Variants in RUNX2 observed in about 807,000 individuals in gnomAD.
The protein encoded by RUNX2 is runt-related transcription factor 2.
A neutral mutation model predicts 51.7 loss-of-function variants in RUNX2; 10 were observed. The observed-to-expected ratio is 0.19, with a 90% CI of 0.12 to 0.33. RUNX2 has a LOEUF of 0.33. RUNX2 is among the 10% of genes least tolerant of loss of function. RUNX2 has a pLI of 1.00. For missense variants in RUNX2, 562 were observed against 691.3 expected, an observed-to-expected ratio of 0.81 and a Z score of 2.10; for synonymous variants, 276 against 273.6, an observed-to-expected ratio of 1.01 and a Z score of -0.09.
intron 2 of RUNX2, among the ~76,000 whole-genome samples, chr6:45,362,277 T>G (rs1794394486): frequency 6.6e-6 from 1 of 152,174 alleles, no homozygotes; most frequent in Non-Finnish European, 1.5e-5. Context: ...TACAATATTG[T>G]TACTTATTTA....
At chr6:45,383,517 C>G (rs530449045) in intron 2 of RUNX2, among the ~76,000 whole-genome samples, 1 of 152,062 alleles carries the variant, frequency 6.6e-6, no homozygotes, top group Non-Finnish European at 1.5e-5. Context: ...AATTTCTAAT[C>G]TTGCTCATGT....
intron 5 of RUNX2, among the ~76,000 whole-genome samples, chr6:45,477,833 C>G (rs1799998296): frequency 6.6e-6 from 1 of 152,198 alleles, no homozygotes; most frequent in Non-Finnish European, 1.5e-5. Flanking sequence ...CATGGCACAC[C>G]CTTGCTTAAA....
At chr6:45,417,821 T>C (rs1798096109) in intron 2 of RUNX2, among the ~76,000 whole-genome samples, 1 of 152,278 alleles carries the variant, frequency 6.6e-6, no homozygotes, top group East Asian at 1.9e-4. Flanking sequence ...CATTTTCATG[T>C]ACTATGAATA....
At chr6:45,424,222 C>T (rs1563080395) in intron 3 of RUNX2, among the ~76,000 whole-genome samples, 1 of 152,210 alleles carries the variant, frequency 6.6e-6, no homozygotes, top group African/African-American at 2.4e-5. Context: ...GATCTGGAGC[C>T]TCTCACAGTA....
intron 2 of RUNX2, among the ~76,000 whole-genome samples, chr6:45,413,817 G>C (rs182879765): frequency 6.6e-6 from 1 of 152,052 alleles, no homozygotes; most frequent in Non-Finnish European, 1.5e-5. Context: ...AAAGATGCTC[G>C]TAATGAAGCA....
chr6:45,430,486 T>C (rs1474074286), intron 3 of RUNX2, among the ~76,000 whole-genome samples: 1 of 152,188 alleles, frequency 6.6e-6, no homozygotes, highest in African/African-American at 2.4e-5. Flanking sequence ...TTTGATTGTT[T>C]TCCTGGCTGG....
chr6:45,494,795 T>C (rs1442677363), intron 6 of RUNX2, among the ~76,000 whole-genome samples: 6 of 152,224 alleles, frequency 3.9e-5, no homozygotes, highest in Non-Finnish European at 7.3e-5. Context: ...CTGGATTGAC[T>C]TCTTTGTTTA....
At chr6:45,329,099 T>A (rs1221930264) in intron 2 of RUNX2, among the ~76,000 whole-genome samples, 4 of 151,958 alleles carry the variant, frequency 2.6e-5, no homozygotes, top group Non-Finnish European at 5.9e-5. Context: ...TCATTAACCC[T>A]CACCAGAAGA....
chr6:45,344,678 G>A (rs577951623), intron 2 of RUNX2, among the ~76,000 whole-genome samples: 1 of 152,154 alleles, frequency 6.6e-6, no homozygotes, highest in Non-Finnish European at 1.5e-5. Flanking sequence ...TTTAGGTAAA[G>A]TGTATAAACT....
intron 2 of RUNX2, among the ~76,000 whole-genome samples, chr6:45,419,168 A>T (rs1048161040): frequency 2.0e-5 from 3 of 152,188 alleles, no homozygotes; most frequent in African/African-American, 7.2e-5. Flanking sequence ...TTGAAATATT[A>T]ATTGTTTCTT....
At chr6:45,486,245 T>C (rs971776398) in intron 5 of RUNX2, among the ~76,000 whole-genome samples, 5 of 152,138 alleles carry the variant, frequency 3.3e-5, no homozygotes, top group African/African-American at 1.2e-4. Context: ...CCACAGCCTC[T>C]CTTCAGTTAT....
chr6:45,385,847 C>T (rs1457046444), intron 2 of RUNX2, among the ~76,000 whole-genome samples: 4 of 152,108 alleles, frequency 2.6e-5, no homozygotes, highest in Non-Finnish European at 5.9e-5. Flanking sequence ...TTGTGTTGAG[C>T]GAAGATCGCA....
intron 4 of RUNX2, among the ~76,000 whole-genome samples, chr6:45,435,284 C>T (rs1004670284): frequency 6.6e-6 from 1 of 152,264 alleles, no homozygotes; most frequent in African/African-American, 2.4e-5. Context: ...TTTTAATATC[C>T]TAAGTAAGTT....
chr6:45,439,752 T>C (rs1020263986), intron 5 of RUNX2, among the ~76,000 whole-genome samples: 13 of 152,042 alleles, frequency 8.6e-5, no homozygotes, highest in African/African-American at 3.1e-4. Flanking sequence ...CAAAAGTTGA[T>C]GGCTGGGAGA....
At chr6:45,384,274 TTTTG>T (rs892615223) in intron 2 of RUNX2, among the ~76,000 whole-genome samples, 8 of 151,972 alleles carry the variant, frequency 5.3e-5, no homozygotes, top group African/African-American at 1.9e-4. Flanking sequence ...TTGGGGTTTT[TTTTG>T]TTTGTTTGTT....
At chr6:45,329,799 T>C (rs944340913) in intron 2 of RUNX2, among the ~76,000 whole-genome samples, 2 of 152,020 alleles carry the variant, frequency 1.3e-5, no homozygotes, top group African/African-American at 4.8e-5. Flanking sequence ...CATCAGCTGA[T>C]GTGTTATTAT....
At chr6:45,356,959 T>C (rs938919376) in intron 2 of RUNX2, among the ~76,000 whole-genome samples, 1 of 152,220 alleles carries the variant, frequency 6.6e-6, no homozygotes, top group Non-Finnish European at 1.5e-5. Context: ...ATTAATTTCC[T>C]ATCTAAAACT....
At chr6:45,365,986 C>T (rs1328026737) in intron 2 of RUNX2, among the ~76,000 whole-genome samples, 1 of 151,662 alleles carries the variant, frequency 6.6e-6, no homozygotes, top group Non-Finnish European at 1.5e-5. Flanking sequence ...GGTGCCAATC[C>T]TAATGTATGA....
At chr6:45,533,134 GGGT>G (rs1277543472) in intron 7 of RUNX2, among the ~76,000 whole-genome samples, 4 of 126,362 alleles carry the variant, frequency 3.2e-5, no homozygotes, top group Admixed American at 7.4e-5. Flanking sequence ...CCCTCTGAAG[GGGT>G]GTGTGTGTGT....
Sources: allele counts gnomAD v4.1 joint callset (sites outside exome capture counted in the v4.1 genomes callset), GRCh38; gene constraint gnomAD v4.1.1; transcripts MANE v1.5; gene names NCBI Gene and HGNC (gene_info 2026-07-23, HGNC 2026-07-21).